The following FAT4 variants were observed in gnomAD, a reference collection of about 807,000 sequenced individuals.
FAT4 encodes protocadherin Fat 4.
A neutral mutation model predicts 303.9 loss-of-function variants in FAT4; 84 were observed. The ratio of observed to expected loss-of-function variants is 0.28; its 90% CI spans 0.23 to 0.33. The LOEUF (loss-of-function observed/expected upper bound fraction) is 0.33. FAT4 is among the 10% of genes least tolerant of loss of function. The pLI, the probability that FAT4 is intolerant of heterozygous loss-of-function variation, is 1.00. For synonymous variants in FAT4, 2,307 were observed against 2,298.8 expected, an observed-to-expected ratio of 1.00 and a Z score of -0.10; for missense variants, 6,005 against 6,146.8, an observed-to-expected ratio of 0.98 and a Z score of 0.77.
intron 14 of FAT4, 174 bp downstream of exon 14, chr4:125,477,508 T>C: frequency 2.2e-6 from 1 of 461,570 alleles, no homozygotes; most frequent in Non-Finnish European, 3.7e-6. Flanking sequence ...AGTATGATAT[T>C]TAATTAGAAA....
chr4:125,444,451 T>C (rs1384371951), intron 8 of FAT4, among the ~76,000 whole-genome samples: 2 of 152,166 alleles, frequency 1.3e-5, no homozygotes, highest in Non-Finnish European at 2.9e-5. Context: ...GATGGAACCC[T>C]GATGGTCTAA....
intron 2 of FAT4, 82 bp downstream of exon 2, chr4:125,321,668 T>C: frequency 7.7e-7 from 1 of 1,301,220 alleles, no homozygotes; most frequent in South Asian, 1.8e-5. Flanking sequence ...TCTATAATTG[T>C]TTACCTTCAT....
chr4:125,377,624 T>C (rs1205886201), intron 2 of FAT4, among the ~76,000 whole-genome samples: 1 of 152,122 alleles, frequency 6.6e-6, no homozygotes, highest in Non-Finnish European at 1.5e-5. Flanking sequence ...CACATTTTAA[T>C]AGGCAAGTTA....
intron 7 of FAT4, among the ~76,000 whole-genome samples, chr4:125,433,170 T>G (rs1297983872): frequency 4.6e-5 from 7 of 152,168 alleles, no homozygotes; most frequent in Non-Finnish European, 2.9e-5. Flanking sequence ...TGAATCTCAA[T>G]ACCATTCTGT....
Position 125,337,174 on chromosome 4 carries a change from T to A in FAT4, c.5175+15588T>A, listed in dbSNP as rs1578535212. ...AAAAGCCATAAATATAAATACGAAGTATTTGAATGCTGATCTATATCATAA... is the reference window on the plus strand; with the variant it reads ...AAAAGCCATAAATATAAATACGAAGAATTTGAATGCTGATCTATATCATAA... On this transcript the variant is annotated intron_variant, in intron 2 of 17. Transcript: ENST00000394329. 3.9e-5 allele frequency among the ~76,000 whole-genome samples: 6 copies of A among 152,170 alleles called. 1 individual carries two copies. The highest frequency in any genetic ancestry group is 3.9e-4 in the Admixed American group (6 of 15,284).
At chr4:125,338,487 G>A (rs1343936734) in intron 2 of FAT4, among the ~76,000 whole-genome samples, 1 of 152,172 alleles carries the variant, frequency 6.6e-6, no homozygotes, top group African/African-American at 2.4e-5. Context: ...AATATGCATA[G>A]TTCAGGTCAG....
intron 7 of FAT4, among the ~76,000 whole-genome samples, chr4:125,433,903 T>G (rs1725361552): frequency 6.6e-6 from 1 of 152,194 alleles, no homozygotes; most frequent in African/African-American, 2.4e-5. Context: ...GGTTTTGTGC[T>G]ATTTTAATGT....
In FAT4 at chr4:125,437,799, C is replaced by T. The variant is rs377234746; in HGVS notation, c.7199+3374C>T. Among the ~76,000 whole-genome samples the T allele has an allele frequency of 4.1e-4, 62 of 152,316 alleles. No individual in the cohort carries two copies. The East Asian group carries it at 9.8e-3, about 24-fold the overall frequency. On this transcript the variant is annotated intron_variant, in intron 8 of 17. Coordinates refer to ENST00000394329, the MANE Select transcript of FAT4 (RefSeq NM_001291303.3). ...AGTTGTGTGGAATTGAATCCTGACT[C>T]TACTATTACTATTGCATTAGTATGG...
chr4:125,408,077 A>G (rs1734691656), intron 4 of FAT4, among the ~76,000 whole-genome samples: 1 of 152,158 alleles, frequency 6.6e-6, no homozygotes, highest in Non-Finnish European at 1.5e-5. Flanking sequence ...ATAAGTCTAT[A>G]TATTTTTTGG....
At chr4:125,334,819 CT>C (rs1487008230) in intron 2 of FAT4, among the ~76,000 whole-genome samples, 1 of 151,768 alleles carries the variant, frequency 6.6e-6, no homozygotes, top group African/African-American at 2.4e-5. Context: ...CCCATAGTCT[CT>C]TTTTTTTAAG....
Position 125,320,115 on chromosome 4 carries a change from C to T in FAT4, c.3704C>T (p.Ser1235Leu), listed in dbSNP as rs1730868648. The change falls in exon 2 of 18, where the codon TCA becomes TTA. Residue 1235 changes from serine (S) to leucine (L), a missense_variant. By Grantham distance (145) the Ser-to-Leu change is moderately radical (BLOSUM62 -2). Coordinates refer to ENST00000394329, the MANE Select transcript of FAT4 (RefSeq NM_001291303.3). The stretch of plus-strand genomic sequence containing the variant: ...ACACAAGTGTTAAGAGTATCTGCCT[C>T]AGATGTTGATGAAGGTAATAATGGA... The part of the protein sequence containing the change: ...NLTQVLRVSA[S>L]DVDEGNNGLI... 1 of 1,613,952 alleles carries T rather than the reference C, an allele frequency of 6.2e-7. No homozygotes were observed. Among genetic ancestry groups the T allele is most frequent in the Non-Finnish European group, 8.5e-7 (1 of 1,179,890 alleles).
At chr4:125,379,083 C>G (rs978797525) in intron 2 of FAT4, among the ~76,000 whole-genome samples, 1 of 152,090 alleles carries the variant, frequency 6.6e-6, no homozygotes, top group Non-Finnish European at 1.5e-5. Context: ...TTGGTCCATT[C>G]CAATTTCCTT....
Position 125,451,471 on chromosome 4 carries a change from A to T in FAT4, c.10461A>T (p.Ser3487=), listed in dbSNP as rs79482316. ...ATCTCTCAGTTTTGGCTGTTGATTCAGGGACCCCCTCAGCTACAGGTAGTG... is the reference window on the plus strand; with the variant it reads ...ATCTCTCAGTTTTGGCTGTTGATTCTGGGACCCCCTCAGCTACAGGTAGTG... ...IYNLSVLAVD[S]GTPSATGSAS... The change falls in exon 10 of 18, where the codon TCA becomes TCT. Residue 3487 remains serine, a synonymous_variant. Coordinates refer to ENST00000394329, the MANE Select transcript of FAT4 (RefSeq NM_001291303.3). 404 of 1,614,128 alleles carry T rather than the reference A, an allele frequency of 2.5e-4. 3 individuals carry two copies. In the East Asian group the frequency reaches 7.8e-3, roughly 31 times the overall value.
At chr4:125,466,963 G>C (rs902373767) in intron 11 of FAT4, among the ~76,000 whole-genome samples, 1 of 151,640 alleles carries the variant, frequency 6.6e-6, no homozygotes, top group African/African-American at 2.4e-5. Context: ...ATTTTTAGTA[G>C]AAACGGGGTT....
At position 125,451,842 on chromosome 4, in the gene FAT4, A is replaced by G. The variant is rs1258096790; in HGVS notation, c.10832A>G (p.Asp3611Gly). 2 of 1,614,110 alleles carry G rather than the reference A, an allele frequency of 1.2e-6. No individual in the cohort carries two copies. Among genetic ancestry groups the G allele is most frequent in the South Asian group, 1.1e-5 (1 of 91,062 alleles). ...TVHITVIDQN[D>G]NPSQSRTVEI... is the part of the protein sequence containing the mutation. ...CATATCACAGTTATAGACCAAAATGACAATCCTTCACAGTCTCGGACGGTG... is the reference window on the plus strand; with the variant it reads ...CATATCACAGTTATAGACCAAAATGGCAATCCTTCACAGTCTCGGACGGTG... The change falls in exon 10 of 18, where the codon GAC becomes GGC. Residue 3611 changes from aspartate (D) to glycine (G), a missense_variant. Coordinates refer to ENST00000394329, the MANE Select transcript of FAT4 (RefSeq NM_001291303.3).
At chr4:125,452,954 A>G in intron 10 of FAT4, 144 bp downstream of exon 10, 1 of 1,059,188 alleles carries the variant, frequency 9.4e-7, no homozygotes, top group Non-Finnish European at 1.3e-6. Context: ...TGTTGGTCAA[A>G]TACTGTTCTA....
chr4:125,319,274 C>G lies in FAT4; in HGVS notation c.2863C>G (p.Leu955Val). The G allele has an allele frequency of 6.2e-7, 1 of 1,614,096 alleles. No individual in the cohort carries two copies. Among genetic ancestry groups the G allele is most frequent in the Non-Finnish European group, 8.5e-7 (1 of 1,180,024 alleles). The change falls in exon 2 of 18, where the codon CTG (leucine) becomes GTG (valine). Residue 955 changes from leucine to valine, a missense_variant. By Grantham distance (32) the Leu-to-Val change is conservative. Transcript: ENST00000394329. Reference protein sequence around the residue: ...KNGTISLLGPLDVHAGSYQIE... With the variant: ...KNGTISLLGPVDVHAGSYQIE... The stretch of plus-strand genomic sequence containing the variant: ...TGGCACTATTAGTCTGCTTGGGCCC[C>G]TGGATGTTCATGCTGGCTCCTACCA...
chr4:125,463,646 T>A lies in FAT4; in HGVS notation c.11884T>A (p.Tyr3962Asn). The change falls in exon 11 of 18, where the codon TAT becomes AAT. Residue 3962 changes from tyrosine (Y) to asparagine (N), a missense_variant. Coordinates refer to ENST00000394329, the MANE Select transcript of FAT4 (RefSeq NM_001291303.3). ...GGSCQSGVDS[Y>N]YCHCPFGVFG... ...TTCCTGCCAAAGTGGTGTGGATTCT[T>A]ATTATTGTCATTGTCCATTTGGTGA... 1 of 1,587,266 alleles carries A rather than the reference T, an allele frequency of 6.3e-7. No individual in the cohort carries two copies. The highest frequency in any genetic ancestry group is 1.2e-5 in the South Asian group (1 of 86,842).
At chr4:125,422,587 A>T (rs973646289) in intron 7 of FAT4, among the ~76,000 whole-genome samples, 2 of 152,142 alleles carry the variant, frequency 1.3e-5, no homozygotes, top group African/African-American at 4.8e-5. Flanking sequence ...CTGTGATTGT[A>T]AGTTTCTTGA....
Sources: allele counts gnomAD v4.1 joint callset (sites outside exome capture counted in the v4.1 genomes callset), GRCh38; gene constraint gnomAD v4.1.1; transcripts MANE v1.5; gene names NCBI Gene and HGNC (gene_info 2026-07-23, HGNC 2026-07-21).